MSH4: variants seen among roughly 807,000 people sequenced by gnomAD.
The protein encoded by MSH4 is mutS protein homolog 4.
In MSH4, 106 loss-of-function variants were observed where a neutral mutation model predicts 113.7. The observed-to-expected ratio is 0.93, with a 90% CI of 0.80 to 1.10. The LOEUF (loss-of-function observed/expected upper bound fraction) is 1.10. MSH4 is among the 50% of genes least tolerant of loss of function. The pLI is 0.00. For missense variants in MSH4, 1,061 were observed against 1,093.7 expected, an observed-to-expected ratio of 0.97 and a Z score of 0.42; for synonymous variants, 368 against 380.2, an observed-to-expected ratio of 0.97 and a Z score of 0.37.
intron 19 of MSH4, among the ~76,000 whole-genome samples, chr1:75,900,687 CTG>C (rs1239812017): frequency 2.0e-5 from 3 of 152,144 alleles, no homozygotes; most frequent in Non-Finnish European, 4.4e-5. Flanking sequence ...TAACAATTTT[CTG>C]TGTCCCTCAC....
At chr1:75,907,350 GT>G (rs1652682554) in intron 19 of MSH4, among the ~76,000 whole-genome samples, 1 of 151,834 alleles carries the variant, frequency 6.6e-6, no homozygotes, top group South Asian at 2.1e-4. Context: ...GATCTATATG[GT>G]TTTTGTTGAG....
At chr1:75,810,172 A>G (rs1349996235) in intron 3 of MSH4, among the ~76,000 whole-genome samples, 1 of 151,810 alleles carries the variant, frequency 6.6e-6, no homozygotes, top group Admixed American at 6.6e-5. Context: ...TATATGTTCA[A>G]TATACTACCA....
chr1:75,813,874 C>T lies in MSH4; in HGVS notation c.700-1147C>T, dbSNP rs375729177. On this transcript the variant is annotated intron_variant, in intron 4 of 19. Coordinates refer to ENST00000263187, the MANE Select transcript of MSH4 (RefSeq NM_002440.4). Reference sequence around the variant, plus strand: ...AAAAAAAAACAGACCTGCATTAAATCAAAAGCAATATGAAGTATAAGGAAA... The same window carrying T: ...AAAAAAAAACAGACCTGCATTAAATTAAAAGCAATATGAAGTATAAGGAAA... Among the ~76,000 whole-genome samples the T allele has an allele frequency of 4.0e-4, 60 of 151,854 alleles. 1 individual carries two copies. Among genetic ancestry groups the T allele is most frequent in the African/African-American group, 1.4e-3 (59 of 41,414 alleles).
chr1:75,822,452 C>G lies in MSH4; in HGVS notation c.1033C>G (p.Pro345Ala), dbSNP rs573895131. Reference sequence around the variant, plus strand: ...TGGTGTTCTAAATTATACTAAGACTCCTGGAGGGAGTAGACGACTTCGTTC... The same window carrying G: ...TGGTGTTCTAAATTATACTAAGACTGCTGGAGGGAGTAGACGACTTCGTTC... The part of the protein sequence containing the change: ...LFGVLNYTKT[P>A]GGSRRLRSNI... The change falls in exon 7 of 20, where the codon CCT (proline) becomes GCT (alanine). Residue 345 changes from proline (P) to alanine (A), a missense_variant. Pro to Ala is a conservative substitution (Grantham distance 27). Coordinates refer to ENST00000263187, the MANE Select transcript of MSH4 (RefSeq NM_002440.4). The G allele has an allele frequency of 5.7e-6, 9 of 1,582,512 alleles. No individual in the cohort carries two copies. The South Asian group carries it at 9.4e-5, about 17-fold the overall frequency.
chr1:75,820,056 G>A (rs1650375221), intron 6 of MSH4, among the ~76,000 whole-genome samples: 1 of 150,108 alleles, frequency 6.7e-6, no homozygotes, highest in South Asian at 2.1e-4. Context: ...AAATCACCTA[G>A]GAATTATGAA....
intron 16 of MSH4, among the ~76,000 whole-genome samples, chr1:75,890,045 C>G (rs1292823376): frequency 6.6e-6 from 1 of 151,936 alleles, no homozygotes; most frequent in Non-Finnish European, 1.5e-5. Context: ...ATGGTCCTAG[C>G]ACTCAAAAAG....
At position 75,815,160 on chromosome 1, in the gene MSH4, T is replaced by A. The variant is rs369963522; in HGVS notation, c.815+24T>A. The A allele has an allele frequency of 8.7e-4, 1,099 of 1,258,720 alleles. 2 individuals are homozygous for A. Among genetic ancestry groups the A allele is most frequent in the Non-Finnish European group, 1.2e-3 (1,049 of 906,096 alleles). 78.0% of individuals were successfully genotyped at this position (1,258,720 alleles called of 1,614,324 possible). A position where few individuals can be genotyped will look rare whatever the true frequency, so the allele number is the denominator to read the frequency against. The stretch of plus-strand genomic sequence containing the variant: ...AAGTAAGTTATATATTTATTTATTT[T>A]TTTACTAGCCCACAGCTACCAATAT... On this transcript the variant is annotated intron_variant, in intron 5 of 19. Coordinates refer to ENST00000263187, the MANE Select transcript of MSH4 (RefSeq NM_002440.4).
intron 17 of MSH4, among the ~76,000 whole-genome samples, chr1:75,893,477 T>G (rs1322134820): frequency 6.6e-6 from 1 of 152,106 alleles, no homozygotes; most frequent in Non-Finnish European, 1.5e-5. Context: ...ATTTAGGCCC[T>G]AAATTCTGAT....
intron 9 of MSH4, among the ~76,000 whole-genome samples, chr1:75,869,509 G>A (rs1339361602): frequency 6.6e-6 from 1 of 152,172 alleles, no homozygotes; most frequent in South Asian, 2.1e-4. Flanking sequence ...TCCATTACAG[G>A]CCCAGAGATC....
At position 75,895,274 on chromosome 1, in the gene MSH4, T is replaced by C. The variant is rs1038820459; in HGVS notation, c.2356-2633T>C. The stretch of plus-strand genomic sequence containing the variant: ...TCCACAATGCAATAAAGAAAGAATA[T>C]GTCTGCAATACAGAAGATTCCTTAG... On this transcript the variant is annotated intron_variant, in intron 17 of 19. Coordinates refer to ENST00000263187, the MANE Select transcript of MSH4 (RefSeq NM_002440.4). Among the ~76,000 whole-genome samples, 2 of 152,126 alleles carry C rather than the reference T, an allele frequency of 1.3e-5. 1 individual carries two copies. The highest frequency in any genetic ancestry group is 1.3e-4 in the Admixed American group (2 of 15,266).
rs113583720 is a variant in MSH4, at chr1:75,828,981, C to T, written c.1162+6400C>T. 8.2e-3 allele frequency among the ~76,000 whole-genome samples: 1,251 copies of T among 152,178 alleles called. 15 individuals carry two copies. Among genetic ancestry groups the T allele is most frequent in the African/African-American group, 0.029 (1,187 of 41,524 alleles). On this transcript the variant is annotated intron_variant, in intron 7 of 19. Coordinates refer to ENST00000263187, the MANE Select transcript of MSH4 (RefSeq NM_002440.4). ...AGTGGGTACAGCCCATGGAGCAGGG[C>T]AGGACATTGCCTCACCTGGGAAGCA...
chr1:75,900,295 TTTTGTTTG>T (rs201768405), intron 19 of MSH4, among the ~76,000 whole-genome samples: 2,992 of 151,670 alleles, frequency 0.02, 103 homozygotes, highest in African/African-American at 0.069. Context: ...GGTTTTGGGG[TTTTGTTTG>T]TTTGTTTGTT....
At position 75,856,211 on chromosome 1, in the gene MSH4, G is replaced by A. The variant is rs927980629; in HGVS notation, c.1230+7935G>A. ...CTAAGAATCTGGAACCTTTTTTTCT[G>A]TTCAGAAAAAAAAATTATAATTAGC... is the stretch of plus-strand genomic sequence containing the variant. On this transcript the variant is annotated intron_variant, in intron 8 of 19. Coordinates refer to ENST00000263187, the MANE Select transcript of MSH4 (RefSeq NM_002440.4). 2.9e-5 allele frequency among the ~76,000 whole-genome samples: 4 copies of A among 138,226 alleles called. No individual in the cohort carries two copies. In the East Asian group the frequency reaches 1.4e-3, roughly 49 times the overall value. 90.7% of individuals were successfully genotyped at this position (138,226 alleles called of 152,430 possible).
chr1:75,906,054 G>A (rs912825963), intron 19 of MSH4, among the ~76,000 whole-genome samples: 1 of 151,730 alleles, frequency 6.6e-6, no homozygotes, highest in South Asian at 2.1e-4. Flanking sequence ...ACAGTGGCTT[G>A]ATCTCAGTTC....
chr1:75,847,744 T>A lies in MSH4; in HGVS notation c.1163-465T>A, dbSNP rs5745406. The stretch of plus-strand genomic sequence containing the variant: ...GGGGCATCCTCACTTTCTAACAACC[T>A]GTTCTTGTGTGGGAACTAGTCCCTT... On this transcript the variant is annotated intron_variant, in intron 7 of 19. Coordinates refer to ENST00000263187, the MANE Select transcript of MSH4 (RefSeq NM_002440.4). Among the ~76,000 whole-genome samples the A allele has an allele frequency of 2.0e-5, 3 of 152,218 alleles. No individual in the cohort carries two copies. In the South Asian group the frequency reaches 6.2e-4, roughly 32 times the overall value.
At chr1:75,906,927 G>A (rs1202277838) in intron 19 of MSH4, among the ~76,000 whole-genome samples, 1 of 150,882 alleles carries the variant, frequency 6.6e-6, no homozygotes, top group Non-Finnish European at 1.5e-5. Flanking sequence ...TCTGCCTCCT[G>A]GGTTCGCACC....
At chr1:75,830,552 T>A (rs1259259091) in intron 7 of MSH4, among the ~76,000 whole-genome samples, 1 of 152,120 alleles carries the variant, frequency 6.6e-6, no homozygotes, top group Non-Finnish European at 1.5e-5. Flanking sequence ...AAGGTCAGGT[T>A]ACCCACAAAG....
chr1:75,857,567 G>T (rs554527441), intron 8 of MSH4, among the ~76,000 whole-genome samples: 5 of 152,054 alleles, frequency 3.3e-5, no homozygotes, highest in African/African-American at 1.2e-4. Context: ...TTGCTTGTAT[G>T]TCTCAGGTTT....
At chr1:75,870,080 T>C (rs199521309) in intron 9 of MSH4, among the ~76,000 whole-genome samples, 3 of 152,292 alleles carry the variant, frequency 2.0e-5, no homozygotes, top group East Asian at 3.9e-4. Flanking sequence ...CTTGCATCAG[T>C]GTGACCTGTA....
Sources: gnomAD v4.1 joint callset for allele counts (sites outside exome capture counted in the v4.1 genomes callset) on GRCh38, gnomAD v4.1.1 for gene constraint, MANE v1.5 for transcripts, NCBI Gene and HGNC (gene_info 2026-07-23, HGNC 2026-07-21) for gene names.